GRID2: variants seen among roughly 807,000 people sequenced by gnomAD.
GRID2 encodes glutamate ionotropic receptor delta type subunit 2, also known as glutamate receptor ionotropic, delta-2.
Under a neutral mutation model 114.8 loss-of-function variants are expected in GRID2, and 33 were observed. That is an observed-to-expected ratio of 0.29 (90% CI 0.22 to 0.38). GRID2 has a LOEUF of 0.38. GRID2 is among the 10% of genes least tolerant of loss of function. The pLI, the probability that GRID2 is intolerant of heterozygous loss-of-function variation, is 1.00. For synonymous variants in GRID2, 505 were observed against 449.9 expected, an observed-to-expected ratio of 1.12 and a Z score of -1.55; for missense variants, 1,184 against 1,257.7, an observed-to-expected ratio of 0.94 and a Z score of 0.89.
chr4:92,474,245 G>A (rs560040314), intron 1 of GRID2, among the ~76,000 whole-genome samples: 13 of 151,778 alleles, frequency 8.6e-5, no homozygotes, highest in South Asian at 2.1e-4. Flanking sequence ...TTTAGATTGC[G>A]CGTATAAGTG....
rs72875949 is a variant in GRID2 at position 93,751,285 on chromosome 4, A to T, written c.2361-17925A>T. Reference sequence around the variant, plus strand: ...GTCAGATTCTCATAAATAACAACAGATCTATCCATTTGCTCTTTGTTGATC... The same window carrying T: ...GTCAGATTCTCATAAATAACAACAGTTCTATCCATTTGCTCTTTGTTGATC... On this transcript the variant is annotated intron_variant, in intron 14 of 15. Coordinates refer to ENST00000282020, the MANE Select transcript of GRID2 (RefSeq NM_001510.4). Among the ~76,000 whole-genome samples the T allele has an allele frequency of 4.6e-3, 708 of 152,300 alleles. 1 individual carries two copies. The highest frequency in any genetic ancestry group is 0.016 in the African/African-American group (679 of 41,550).
In GRID2 at chr4:92,600,921, G is replaced by A. The variant is rs1226676917; in HGVS notation, c.244+10635G>A. On this transcript the variant is annotated intron_variant, in intron 2 of 15. Transcript: ENST00000282020. ...CTGGCTGCCCCTTGGTAGAGGAAGT[G>A]CACTGTGCTGGGGGCACTCCCATAC... 2.6e-5 allele frequency among the ~76,000 whole-genome samples: 4 copies of A among 152,224 alleles called. No homozygotes were observed. The East Asian group carries it at 7.7e-4, about 29-fold the overall frequency.
chr4:92,850,650 A>G (rs930915933), intron 2 of GRID2, among the ~76,000 whole-genome samples: 1 of 151,916 alleles, frequency 6.6e-6, no homozygotes, highest in Non-Finnish European at 1.5e-5. Flanking sequence ...AGAAATTTCA[A>G]GAAAGGTGAA....
intron 1 of GRID2, among the ~76,000 whole-genome samples, chr4:92,420,457 T>C (rs1224432622): frequency 2.0e-5 from 3 of 152,156 alleles, no homozygotes; most frequent in Admixed American, 6.6e-5. Flanking sequence ...TTTATTAGCA[T>C]ATTTTAAATA....
At chr4:92,609,793 GA>G (rs567859872) in intron 2 of GRID2, among the ~76,000 whole-genome samples, 55 of 151,398 alleles carry the variant, frequency 3.6e-4, no homozygotes, top group African/African-American at 1.3e-3. Context: ...GCCTTGTTTT[GA>G]AAATTCATTT....
chr4:92,325,466 C>T (rs1370936838), intron 1 of GRID2, among the ~76,000 whole-genome samples: 1 of 151,742 alleles, frequency 6.6e-6, no homozygotes, highest in Non-Finnish European at 1.5e-5. Flanking sequence ...AATAATTGTA[C>T]ATTTTACTTC....
At chr4:92,982,022 T>TAAAAAAAAAAAAAAAAAAAAAAA (rs1161216679) in intron 2 of GRID2, among the ~76,000 whole-genome samples, 4 of 80,196 alleles carry the variant, frequency 5.0e-5, no homozygotes, top group Non-Finnish European at 7.6e-5. Context: ...AAAGTACTGG[T>TAAAAAAAAAAAAAAAAAAAAAAA]AAAAAAAAAA....
At chr4:92,654,071 G>A (rs140130711) in intron 2 of GRID2, among the ~76,000 whole-genome samples, 15 of 152,052 alleles carry the variant, frequency 9.9e-5, no homozygotes. Flanking sequence ...ACTCCAAAGG[G>A]TAAATGCTGT....
At chr4:92,604,973 C>A (rs573010875) in intron 2 of GRID2, among the ~76,000 whole-genome samples, 25 of 150,290 alleles carry the variant, frequency 1.7e-4, no homozygotes, top group Admixed American at 5.3e-4. Context: ...ATAGTGAGTT[C>A]TCGCAAGATC....
chr4:92,551,525 CTA>C (rs1176342168), intron 1 of GRID2, among the ~76,000 whole-genome samples: 1 of 152,056 alleles, frequency 6.6e-6, no homozygotes, highest in African/African-American at 2.4e-5. Flanking sequence ...TAGATAAATT[CTA>C]TGTGTCAGTG....
chr4:92,463,750 A>G (rs549582014), intron 1 of GRID2, among the ~76,000 whole-genome samples: 1 of 151,980 alleles, frequency 6.6e-6, no homozygotes, highest in East Asian at 1.9e-4. Flanking sequence ...GAATATTGGG[A>G]TTTAAGCCTA....
chr4:92,476,180 C>T lies in GRID2; in HGVS notation c.89-113951C>T, dbSNP rs1014557525. Among the ~76,000 whole-genome samples the T allele has an allele frequency of 2.0e-5, 3 of 151,994 alleles. 1 individual carries two copies. The highest frequency in any genetic ancestry group is 4.8e-5 in the African/African-American group (2 of 41,404). ...AGCTGGGACTACAGGCGCCTGGCAC[C>T]ATGCCCGGCTAACTTTTTGTACTTT... On this transcript the variant is annotated intron_variant, in intron 1 of 15. Transcript: ENST00000282020.
intron 1 of GRID2, among the ~76,000 whole-genome samples, chr4:92,416,916 AT>A (rs532700566): frequency 1.3e-5 from 2 of 151,256 alleles, no homozygotes; most frequent in African/African-American, 4.9e-5. Flanking sequence ...AAATTTTAGG[AT>A]TTTTTTTCTA....
intron 8 of GRID2, among the ~76,000 whole-genome samples, chr4:93,293,982 T>G (rs183150653): frequency 6.6e-6 from 1 of 152,298 alleles, no homozygotes; most frequent in Non-Finnish European, 1.5e-5. Flanking sequence ...GCGATTATGC[T>G]GTGGGGAGAA....
At chr4:93,236,041 G>A (rs959824142) in intron 7 of GRID2, among the ~76,000 whole-genome samples, 2 of 152,048 alleles carry the variant, frequency 1.3e-5, no homozygotes, top group Non-Finnish European at 2.9e-5. Flanking sequence ...TCAGGTAGAT[G>A]TGTGATTATG....
chr4:93,149,573 C>T (rs1187264271), intron 4 of GRID2, among the ~76,000 whole-genome samples: 1 of 141,858 alleles, frequency 7.0e-6, no homozygotes, highest in African/African-American at 2.6e-5. Context: ...AAGACTCCAT[C>T]AAAAAAAAAA....
chr4:92,723,187 T>C (rs899015076), intron 2 of GRID2, among the ~76,000 whole-genome samples: 5 of 152,130 alleles, frequency 3.3e-5, no homozygotes, highest in Admixed American at 2.0e-4. Flanking sequence ...GTAATTATTT[T>C]AGAAACATGG....
intron 4 of GRID2, among the ~76,000 whole-genome samples, chr4:93,178,718 C>G (rs1401857336): frequency 6.6e-6 from 1 of 151,892 alleles, no homozygotes; most frequent in African/African-American, 2.4e-5. Context: ...AGAATGTTTT[C>G]TCTTCTGTAT....
chr4:92,736,561 C>T (rs938760757), intron 2 of GRID2, among the ~76,000 whole-genome samples: 2 of 151,986 alleles, frequency 1.3e-5, no homozygotes, highest in South Asian at 2.1e-4. Context: ...AATGTCCTAA[C>T]CAAATACAAA....
Sources: allele counts gnomAD v4.1 joint callset (sites outside exome capture counted in the v4.1 genomes callset), GRCh38; gene constraint gnomAD v4.1.1; transcripts MANE v1.5; gene names NCBI Gene and HGNC (gene_info 2026-07-23, HGNC 2026-07-21).